FAT3: variants seen among roughly 807,000 people sequenced by gnomAD.
The protein encoded by FAT3 is FAT atypical cadherin 3.
In FAT3, 95 loss-of-function variants were observed where a neutral mutation model predicts 310.2. That is an observed-to-expected ratio of 0.31 (90% CI 0.26 to 0.36). FAT3 has a LOEUF of 0.36. Among genes scored for constraint, FAT3 ranks in the 10% least tolerant of loss-of-function variants. The probability of loss-of-function intolerance (pLI) is 1.00; values close to 1 mark genes in which losing one functional copy is unlikely to be tolerated. For synonymous variants in FAT3, 2,314 were observed against 2,192.9 expected (o/e 1.06, Z -1.54); for missense variants, 5,408 against 5,715.6 (o/e 0.95, Z 1.74).
At chr11:92,727,202 A>G (rs972507236) in intron 4 of FAT3, among the ~76,000 whole-genome samples, 2 of 152,178 alleles carry the variant, frequency 1.3e-5, no homozygotes, top group African/African-American at 4.8e-5. Flanking sequence ...ATTTCAGCAT[A>G]TTGATTTTTA....
intron 3 of FAT3, among the ~76,000 whole-genome samples, chr11:92,624,817 G>T (rs1941249468): frequency 6.6e-6 from 1 of 152,156 alleles, no homozygotes; most frequent in South Asian, 2.1e-4. Flanking sequence ...CCAGAATTCT[G>T]AAATCAATGT....
intron 3 of FAT3, among the ~76,000 whole-genome samples, chr11:92,686,082 C>T (rs1310193107): frequency 6.6e-6 from 1 of 151,966 alleles, no homozygotes; most frequent in Non-Finnish European, 1.5e-5. Context: ...AAAGACTTGC[C>T]CAAAGTTGTA....
chr11:92,412,736 T>TATATATACACAC (rs1591252633), intron 2 of FAT3, among the ~76,000 whole-genome samples: 15 of 14,960 alleles, frequency 1.0e-3, no homozygotes, highest in African/African-American at 1.7e-3. Flanking sequence ...TATATATATA[T>TATATATACACAC]ATATATATAA....
At chr11:92,699,552 G>T (rs188149744) in intron 4 of FAT3, among the ~76,000 whole-genome samples, 6 of 152,148 alleles carry the variant, frequency 3.9e-5, no homozygotes, top group Admixed American at 3.9e-4. Flanking sequence ...GAATATTTTC[G>T]GTATTCTTAG....
intron 1 of FAT3, among the ~76,000 whole-genome samples, chr11:92,264,382 G>A (rs79777540): frequency 6.6e-6 from 1 of 152,086 alleles, no homozygotes; most frequent in South Asian, 2.1e-4. Flanking sequence ...ATACAAAATA[G>A]TTATCTATAA....
chr11:92,661,493 A>G (rs564738897), intron 3 of FAT3, among the ~76,000 whole-genome samples: 1 of 152,250 alleles, frequency 6.6e-6, no homozygotes, highest in African/African-American at 2.4e-5. Flanking sequence ...CCTAGCATCC[A>G]TAAAGACAGT....
At chr11:92,282,775 A>G (rs1404393954) in intron 1 of FAT3, among the ~76,000 whole-genome samples, 1 of 152,158 alleles carries the variant, frequency 6.6e-6, no homozygotes, top group African/African-American at 2.4e-5. Flanking sequence ...TGATTTTAGT[A>G]CTTGACAATG....
intron 4 of FAT3, among the ~76,000 whole-genome samples, chr11:92,743,794 A>T (rs984882737): frequency 2.6e-5 from 4 of 152,240 alleles, no homozygotes; most frequent in African/African-American, 9.6e-5. Flanking sequence ...GGGTTAATAG[A>T]TTAATGGGTT....
intron 4 of FAT3, among the ~76,000 whole-genome samples, chr11:92,713,736 A>G (rs1397406016): frequency 6.6e-6 from 1 of 152,220 alleles, no homozygotes; most frequent in East Asian, 1.9e-4. Context: ...TAAAAAGACC[A>G]ATATTATTAA....
intron 3 of FAT3, among the ~76,000 whole-genome samples, chr11:92,672,893 C>T (rs1445845232): frequency 6.6e-6 from 1 of 152,146 alleles, no homozygotes; most frequent in Non-Finnish European, 1.5e-5. Flanking sequence ...TATGATTCCT[C>T]TTTTGGATTC....
At chr11:92,239,201 C>T (rs1026064615) in intron 1 of FAT3, among the ~76,000 whole-genome samples, 4 of 152,056 alleles carry the variant, frequency 2.6e-5, no homozygotes, top group Non-Finnish European at 4.4e-5. Flanking sequence ...CTCTTTACCC[C>T]TCTGCCTAAA....
intron 1 of FAT3, among the ~76,000 whole-genome samples, chr11:92,294,792 TA>T (rs1373785005): frequency 1.3e-5 from 2 of 150,490 alleles, no homozygotes; most frequent in African/African-American, 4.8e-5. Flanking sequence ...AATGAATAAA[TA>T]AAATGAAATG....
intron 3 of FAT3, among the ~76,000 whole-genome samples, chr11:92,627,686 A>T (rs1945797681): frequency 6.6e-6 from 1 of 152,010 alleles, no homozygotes; most frequent in Admixed American, 6.6e-5. Flanking sequence ...AAAGGAATTT[A>T]CTCTCTTTAG....
intron 2 of FAT3, among the ~76,000 whole-genome samples, chr11:92,476,410 G>A (rs560061159): frequency 6.6e-6 from 1 of 152,234 alleles, no homozygotes; most frequent in South Asian, 2.1e-4. Flanking sequence ...GCCCATCCTA[G>A]GTTACTATCT....
chr11:92,531,282 C>T (rs1021817756), intron 3 of FAT3, among the ~76,000 whole-genome samples: 8 of 152,128 alleles, frequency 5.3e-5, no homozygotes, highest in Non-Finnish European at 7.3e-5. Flanking sequence ...CAGCGGTGAC[C>T]TTTGCATCCA....
chr11:92,629,007 G>A (rs529205817), intron 3 of FAT3, among the ~76,000 whole-genome samples: 2 of 152,330 alleles, frequency 1.3e-5, no homozygotes, highest in Admixed American at 1.3e-4. Flanking sequence ...TAATGTGGTA[G>A]AACTTATCTT....
chr11:92,428,533 T>G (rs2135013737), intron 2 of FAT3, among the ~76,000 whole-genome samples: 1 of 152,334 alleles, frequency 6.6e-6, no homozygotes, highest in African/African-American at 2.4e-5. Context: ...GCTGTAAATT[T>G]CCCTCTAAAC....
In FAT3 at chr11:92,715,381, C is replaced by G. The variant is rs1944652207; in HGVS notation, c.3669+17936C>G. Reference sequence around the variant, plus strand: ...CAAGATCGCACCACTGCACTGCAGCCTGGGTGACAGTGCAAGACTCTGTCT... The same window carrying G: ...CAAGATCGCACCACTGCACTGCAGCGTGGGTGACAGTGCAAGACTCTGTCT... On this transcript the variant is annotated intron_variant, in intron 4 of 27. Coordinates refer to ENST00000525166, the MANE Select transcript of FAT3 (RefSeq NM_001367949.2). 2.0e-5 allele frequency among the ~76,000 whole-genome samples: 3 copies of G among 151,458 alleles called. No homozygotes were observed. In the South Asian group the frequency reaches 6.3e-4, roughly 32 times the overall value.
At chr11:92,869,093 T>C (rs902025425) in intron 22 of FAT3, among the ~76,000 whole-genome samples, 4 of 152,236 alleles carry the variant, frequency 2.6e-5, no homozygotes, top group Admixed American at 2.6e-4. Context: ...ACAGGTATTC[T>C]TTCTTCCAAG....
Sources: gnomAD v4.1 joint callset for allele counts (sites outside exome capture counted in the v4.1 genomes callset) on GRCh38, gnomAD v4.1.1 for gene constraint, MANE v1.5 for transcripts, NCBI Gene and HGNC (gene_info 2026-07-23, HGNC 2026-07-21) for gene names.